Variants in RBFOX1 observed in about 807,000 individuals in gnomAD.
RBFOX1 encodes RNA binding protein fox-1 homolog 1.
Under a neutral mutation model 57.7 loss-of-function variants are expected in RBFOX1, and 8 were observed. The observed-to-expected ratio is 0.14, with a 90% CI of 0.08 to 0.25. RBFOX1 has a LOEUF of 0.25. Among genes scored for constraint, RBFOX1 ranks in the 10% least tolerant of loss-of-function variants. The probability of loss-of-function intolerance (pLI) is 1.00; values close to 1 mark genes in which losing one functional copy is unlikely to be tolerated. For synonymous variants in RBFOX1, 326 were observed against 222.4 expected (o/e 1.47, Z -4.15); for missense variants, 611 against 548.5 (o/e 1.11, Z -1.14).
chr16:5,736,672 G>C (rs550791647), intron 3 of RBFOX1, among the ~76,000 whole-genome samples: 11 of 152,058 alleles, frequency 7.2e-5, no homozygotes, highest in African/African-American at 1.7e-4. Flanking sequence ...TCCTGTGCTG[G>C]TGTCTCTCAG....
At chr16:6,413,600 CAG>C (rs1320941794) in intron 2 of RBFOX1, among the ~76,000 whole-genome samples, 1 of 151,774 alleles carries the variant, frequency 6.6e-6, no homozygotes, top group Non-Finnish European at 1.5e-5. Context: ...AAACAATTGA[CAG>C]AGAAAGAAAG....
chr16:6,742,147 C>A (rs887876602), intron 3 of RBFOX1, among the ~76,000 whole-genome samples: 3 of 152,022 alleles, frequency 2.0e-5, no homozygotes, highest in Non-Finnish European at 4.4e-5. Flanking sequence ...AGAGTGAAAA[C>A]CAATCCATTT....
chr16:6,370,556 C>A (rs1340864228), intron 2 of RBFOX1, among the ~76,000 whole-genome samples: 2 of 151,960 alleles, frequency 1.3e-5, no homozygotes, highest in Admixed American at 6.6e-5. Context: ...AACCTTGAAA[C>A]ATTACGCTAA....
intron 2 of RBFOX1, among the ~76,000 whole-genome samples, chr16:6,646,758 G>T (rs766690801): frequency 3.3e-4 from 50 of 152,058 alleles, no homozygotes; most frequent in Non-Finnish European, 3.7e-4. Context: ...CCCATATTGA[G>T]TTAATCTCCC....
At chr16:5,927,077 C>G (rs954983135) in intron 4 of RBFOX1, among the ~76,000 whole-genome samples, 1 of 152,130 alleles carries the variant, frequency 6.6e-6, no homozygotes, top group African/African-American at 2.4e-5. Flanking sequence ...TATTTTTATA[C>G]CCTAGCTCTG....
At chr16:6,189,031 A>T (rs554693633) in intron 1 of RBFOX1, among the ~76,000 whole-genome samples, 1 of 152,356 alleles carries the variant, frequency 6.6e-6, no homozygotes, top group Admixed American at 6.5e-5. Context: ...ACCCTCTATG[A>T]ACCTGGGCAC....
intron 4 of RBFOX1, among the ~76,000 whole-genome samples, chr16:7,415,649 C>A (rs578201647): frequency 6.6e-6 from 1 of 152,116 alleles, no homozygotes. Flanking sequence ...ATTCTCTGTT[C>A]TCTCTCTTAA....
Position 6,915,547 on chromosome 16 carries a change from C to G in RBFOX1, c.-15-136510C>G, listed in dbSNP as rs547601261. Among the ~76,000 whole-genome samples, 286 of 121,100 alleles carry G rather than the reference C, an allele frequency of 2.4e-3. 2 individuals are homozygous for G. The highest frequency in any genetic ancestry group is 2.8e-3 in the Non-Finnish European group (165 of 58,388). 79.4% of individuals were successfully genotyped at this position (121,100 alleles called of 152,430 possible). A position where few individuals can be genotyped will look rare whatever the true frequency, so the allele number is the denominator to read the frequency against. The stretch of plus-strand genomic sequence containing the variant: ...TTTTCTAAGTCCTCACCCCCACACC[C>G]CCCTTTTTTTTTTTTTTTTTTGACA... On this transcript the variant is annotated intron_variant, in intron 3 of 15. Transcript: ENST00000550418.
chr16:6,886,115 G>A (rs2063970364), intron 3 of RBFOX1, among the ~76,000 whole-genome samples: 1 of 149,506 alleles, frequency 6.7e-6, no homozygotes. Context: ...AGGCTGGAGT[G>A]CAGTGACGTG....
At chr16:6,960,306 C>T (rs983940444) in intron 3 of RBFOX1, among the ~76,000 whole-genome samples, 2 of 152,158 alleles carry the variant, frequency 1.3e-5, no homozygotes, top group African/African-American at 4.8e-5. Flanking sequence ...AAGTTAATCA[C>T]TTACGTCTTT....
At chr16:7,214,925 C>T (rs893031662) in intron 4 of RBFOX1, among the ~76,000 whole-genome samples, 3 of 152,144 alleles carry the variant, frequency 2.0e-5, no homozygotes, top group Non-Finnish European at 2.9e-5. Context: ...TTCTCGGACA[C>T]ATGTACTGAA....
intron 2 of RBFOX1, among the ~76,000 whole-genome samples, chr16:6,340,808 C>G (rs757495409): frequency 2.0e-5 from 3 of 152,250 alleles, no homozygotes; most frequent in Non-Finnish European, 4.4e-5. Context: ...GTCTTAGCCT[C>G]CTTTTACGCA....
At chr16:7,215,030 A>G (rs914399063) in intron 4 of RBFOX1, among the ~76,000 whole-genome samples, 7 of 152,050 alleles carry the variant, frequency 4.6e-5, no homozygotes, top group East Asian at 1.9e-4. Flanking sequence ...TGCATTAGCT[A>G]TTTGTCCTAA....
intron 2 of RBFOX1, among the ~76,000 whole-genome samples, chr16:6,498,765 A>T (rs142580149): frequency 6.6e-6 from 1 of 152,214 alleles, no homozygotes; most frequent in East Asian, 1.9e-4. Context: ...TAATAATTGG[A>T]TAATGTTTCA....
chr16:6,675,521 C>A (rs1375780570), intron 3 of RBFOX1, among the ~76,000 whole-genome samples: 1 of 152,122 alleles, frequency 6.6e-6, no homozygotes, highest in East Asian at 1.9e-4. Context: ...CATTGCTGAA[C>A]CAGGCCCTGC....
chr16:5,910,364 A>G (rs1412783715), intron 4 of RBFOX1, among the ~76,000 whole-genome samples: 1 of 152,202 alleles, frequency 6.6e-6, no homozygotes, highest in Non-Finnish European at 1.5e-5. Flanking sequence ...AGGAGGTACC[A>G]GAGCCTTCTT....
At chr16:5,254,487 T>A (rs2062533313) in intron 1 of RBFOX1, among the ~76,000 whole-genome samples, 1 of 152,174 alleles carries the variant, frequency 6.6e-6, no homozygotes, top group Admixed American at 6.5e-5. Flanking sequence ...TACACTTTTT[T>A]AAAAAGGAGT....
chr16:7,101,890 C>G (rs997723501), intron 4 of RBFOX1, among the ~76,000 whole-genome samples: 1 of 151,992 alleles, frequency 6.6e-6, no homozygotes, highest in South Asian at 2.1e-4. Context: ...TAAACTGTAC[C>G]AAAGCATGGA....
At chr16:7,053,373 T>G (rs2050771006) in intron 4 of RBFOX1, among the ~76,000 whole-genome samples, 1 of 152,216 alleles carries the variant, frequency 6.6e-6, no homozygotes, top group South Asian at 2.1e-4. Context: ...ATTTTTAAGC[T>G]TTTCTGAACT....
Sources: gnomAD v4.1 joint callset for allele counts (sites outside exome capture counted in the v4.1 genomes callset) on GRCh38, gnomAD v4.1.1 for gene constraint, MANE v1.5 for transcripts, NCBI Gene and HGNC (gene_info 2026-07-23, HGNC 2026-07-21) for gene names.